The following TCP11L2 variants were observed in gnomAD, a reference collection of about 807,000 sequenced individuals.
TCP11L2 encodes T-complex protein 11-like protein 2.
In TCP11L2, 39 loss-of-function variants were observed where a neutral mutation model predicts 50.7. The ratio of observed to expected loss-of-function variants is 0.77; its 90% confidence interval spans 0.60 to 1.01. The LOEUF is 1.01. Among genes scored for constraint, TCP11L2 ranks in the 50% least tolerant of loss-of-function variants. TCP11L2 has a pLI of 0.00. For synonymous variants in TCP11L2, 192 were observed against 219.3 expected (o/e 0.88, Z 1.10); for missense variants, 612 against 614.7 (o/e 1.00, Z 0.05).
chr12:106,325,441 T>C (rs571595873), intron 6 of TCP11L2: 2 of 152,292 alleles, frequency 1.3e-5, no homozygotes, highest in Non-Finnish European at 2.9e-5. Context: ...TCCTGTAAGA[T>C]ACGTGAAGAA....
intron 5 of TCP11L2, 136 bp from the exon 6 acceptor site, chr12:106,323,374 C>T (rs2035410925): frequency 1.6e-6 from 1 of 628,220 alleles, no homozygotes; most frequent in Middle Eastern, 4.5e-4. Flanking sequence ...TGAAACATGA[C>T]CCTACCAAAT....
rs200709273 is a variant in TCP11L2 at position 106,323,564 on chromosome 12, T to G, written c.690T>G (p.Ile230Met). ...AAATGGACATGGCCAATTTTACAATTATGAGTCTCAGACCGCACCTTCAAC... is the reference window on the plus strand; with the variant it reads ...AAATGGACATGGCCAATTTTACAATGATGAGTCTCAGACCGCACCTTCAAC... ...LMQMDMANFT[I>M]MSLRPHLQRQ... Residue 230 changes from isoleucine (I) to methionine (M), a missense_variant, in exon 6 of 10, where the codon ATT becomes ATG. By Grantham distance (10) the Ile-to-Met change is conservative. Transcript: ENST00000299045. 1.9e-6 allele frequency: 3 copies of G among 1,609,672 alleles called. No homozygotes were observed. The highest frequency in any genetic ancestry group is 3.4e-5 in the Admixed American group (2 of 59,154).
rs1194742366 is a variant in TCP11L2, at chr12:106,335,763, G to A, written c.897G>A (p.Leu299=). Residue 299 remains leucine (L), a synonymous_variant, in exon 7 of 10, where the codon TTG becomes TTA. Transcript: ENST00000299045. ...CCAAGCCAAGCCTGAGCCCTACTTT[G>A]GTGCTAAATAATAGTTACTTGAAAC... ...NTSKPSLSPT[L]VLNNSYLKLL... is the part of the protein sequence containing the mutation. 4 of 1,614,162 alleles carry A rather than the reference G, an allele frequency of 2.5e-6. No homozygotes were observed. The East Asian group carries it at 8.9e-5, about 36-fold the overall frequency.
At chr12:106,315,500 T>C (rs1013121890) in intron 3 of TCP11L2, among the ~76,000 whole-genome samples, 15 of 152,350 alleles carry the variant, frequency 9.8e-5, no homozygotes, top group African/African-American at 3.6e-4. Context: ...TATGTCTGTA[T>C]TGTTTGTTGC....
At chr12:106,341,825 C>T (rs1375833519) in intron 9 of TCP11L2, among the ~76,000 whole-genome samples, 1 of 152,142 alleles carries the variant, frequency 6.6e-6, no homozygotes, top group African/African-American at 2.4e-5. Flanking sequence ...AAACAGTGAC[C>T]CCATCATTGA....
rs1462023722 is a variant in TCP11L2 at position 106,340,998 on chromosome 12, G to C, written c.1315G>C (p.Asp439His). The C allele has an allele frequency of 6.3e-7, 1 of 1,597,244 alleles. No individual in the cohort carries two copies. Among genetic ancestry groups the C allele is most frequent in the Admixed American group, 1.8e-5 (1 of 55,680 alleles). Residue 439 changes from aspartate (D) to histidine (H), a missense_variant and splice_region_variant, in exon 9 of 10, where the codon GAT becomes CAT. Transcript: ENST00000299045. ...EEDNPIWSLIDKRIKLYMRRL... is the reference protein window; with the variant it reads ...EEDNPIWSLIHKRIKLYMRRL... ...GGACAATCCTATCTGGTCCTTGATT[G>C]GTGAGTCCTTTTATTGATTTCTGCT...
At chr12:106,307,141 CAATAAATATTTG>C (rs1243757427) in intron 1 of TCP11L2, 4 of 152,282 alleles carry the variant, frequency 2.6e-5, no homozygotes, top group East Asian at 3.9e-4. Context: ...ATTTATTCAA[CAATAAATATTTG>C]AATAAATATT....
At position 106,314,420 on chromosome 12, in the gene TCP11L2, A is replaced by G. The variant is rs560172594; in HGVS notation, c.220A>G (p.Asn74Asp). The G allele has an allele frequency of 7.9e-5, 128 of 1,613,834 alleles. 1 individual carries two copies. The South Asian group carries it at 1.3e-3, about 16-fold the overall frequency. ...GATGGCTACAGCAAGGAACTTATCAAACTTGACTCTTGCTCATGAGATTGC... is the reference window on the plus strand; with the variant it reads ...GATGGCTACAGCAAGGAACTTATCAGACTTGACTCTTGCTCATGAGATTGC... ...EVMATARNLSNLTLAHEIAVN... is the reference protein window; with the variant it reads ...EVMATARNLSDLTLAHEIAVN... Residue 74 changes from asparagine (N) to aspartate (D), a missense_variant, in exon 3 of 10, where the codon AAC becomes GAC. Coordinates refer to ENST00000299045, the MANE Select transcript of TCP11L2 (RefSeq NM_152772.3).
chr12:106,319,358 A>G (rs1182558357), intron 4 of TCP11L2, among the ~76,000 whole-genome samples: 8 of 152,218 alleles, frequency 5.3e-5, no homozygotes, highest in Non-Finnish European at 1.2e-4. Context: ...AAACACAAAT[A>G]TTGAAACTAT....
chr12:106,301,731 G>A (rs1323909578), upstream of TCP11L2, among the ~76,000 whole-genome samples: 2 of 152,186 alleles, frequency 1.3e-5, no homozygotes, highest in East Asian at 3.8e-4. Flanking sequence ...CTGGCAGAAG[G>A]CATAGTTTTG....
rs766546613 is a variant in TCP11L2, at chr12:106,311,162, G to A, written c.87G>A (p.Ser29=). ...CCCGGTTTTCCGAAAGCATGGCTTC[G>A]CTCAGTGACTATGAATGCTCCAGGC... is the stretch of plus-strand genomic sequence containing the variant. ...DSSRFSESMA[S]LSDYECSRQS... is the part of the protein sequence containing the mutation. Residue 29 remains serine, a synonymous_variant, in exon 2 of 10, where the codon TCG becomes TCA. Transcript: ENST00000299045. The A allele has an allele frequency of 8.7e-6, 14 of 1,614,070 alleles. No homozygotes were observed. In the Admixed American group the frequency reaches 1.7e-4, roughly 19 times the overall value.
At chr12:106,322,160 G>T (rs2035363757) in intron 5 of TCP11L2, among the ~76,000 whole-genome samples, 1 of 152,146 alleles carries the variant, frequency 6.6e-6, no homozygotes, top group African/African-American at 2.4e-5. Flanking sequence ...GTAAAAGTTT[G>T]TTTCTCATGT....
chr12:106,310,177 T>C (rs1246157305), intron 1 of TCP11L2, among the ~76,000 whole-genome samples: 1 of 152,214 alleles, frequency 6.6e-6, no homozygotes, highest in Non-Finnish European at 1.5e-5. Context: ...AGGATTCTCA[T>C]GTCCCAGAAA....
Position 106,336,040 on chromosome 12 carries a change from G to A in TCP11L2, c.969G>A (p.Met323Ile), listed in dbSNP as rs1394525745. ...YQKKELPETLMTDGARLQELT... is the reference protein window; with the variant it reads ...YQKKELPETLITDGARLQELT... ...TTAAATAAATATGTTAGACACTTAT[G>A]ACAGATGGAGCACGTCTTCAGGAAC... Residue 323 changes from methionine (M) to isoleucine (I), a missense_variant, in exon 8 of 10, where the codon ATG (methionine) becomes ATA (isoleucine). By Grantham distance (10) the Met-to-Ile change is conservative. Transcript: ENST00000299045. 2 of 1,609,230 alleles carry A rather than the reference G, an allele frequency of 1.2e-6. No individual in the cohort carries two copies. The highest frequency in any genetic ancestry group is 2.2e-5 in the East Asian group (1 of 44,878).
chr12:106,334,644 T>A (rs1328335154), intron 6 of TCP11L2, among the ~76,000 whole-genome samples: 1 of 152,178 alleles, frequency 6.6e-6, no homozygotes, highest in Non-Finnish European at 1.5e-5. Context: ...GGTTCCATGT[T>A]GAAAATAATA....
At chr12:106,302,130 G>C (rs538226384), upstream of TCP11L2, 1 of 152,508 alleles carries the variant, frequency 6.6e-6, no homozygotes, top group East Asian at 1.9e-4. Context: ...CAGTGTGTTG[G>C]TGGGCACCCA....
chr12:106,321,324 C>G (rs2035326039), intron 4 of TCP11L2, among the ~76,000 whole-genome samples, 162 bp from the exon 5 acceptor site: 1 of 152,194 alleles, frequency 6.6e-6, no homozygotes, highest in African/African-American at 2.4e-5. Context: ...GGTTGAGACA[C>G]TGGAATGCTC....
rs990221335 is a variant in TCP11L2, at chr12:106,343,858, CAT to C, written c.1316-2425_1316-2424del. 1.4e-4 allele frequency among the ~76,000 whole-genome samples: 21 copies of C among 151,878 alleles called. 1 individual carries two copies. Among genetic ancestry groups the C allele is most frequent in the African/African-American group, 3.9e-4 (16 of 41,454 alleles). Reference sequence around the variant, plus strand: ...ATTCTTAGTAGAGACGGGGTTCCACCATATTGGCCAGGCTGGTCTCAAACTCC... The same window carrying C: ...ATTCTTAGTAGAGACGGGGTTCCACCATTGGCCAGGCTGGTCTCAAACTCC... On this transcript the variant is annotated intron_variant, in intron 9 of 9. Coordinates refer to ENST00000299045, the MANE Select transcript of TCP11L2 (RefSeq NM_152772.3).
In TCP11L2 at chr12:106,318,360, A is replaced by G; in HGVS notation, c.310A>G (p.Lys104Glu). ...LPEKSLAGRV[K>E]HIVHQAFWDV... ...TTGCCATAGTTTGGCTGGTCGAGTG[A>G]AGCACATTGTTCACCAGGCCTTCTG... Residue 104 changes from lysine to glutamate, a missense_variant, in exon 4 of 10, where the codon AAG (lysine) becomes GAG (glutamate). Physicochemically the swap from Lys to Glu is moderately conservative, Grantham distance 56. Transcript: ENST00000299045. The G allele has an allele frequency of 6.2e-7, 1 of 1,613,878 alleles. No homozygotes were observed.
Sources: allele counts gnomAD v4.1 joint callset (sites outside exome capture counted in the v4.1 genomes callset), GRCh38; gene constraint gnomAD v4.1.1; transcripts MANE v1.5; gene names NCBI Gene and HGNC (gene_info 2026-07-23, HGNC 2026-07-21).